Variants in KCNIP4 observed in about 807,000 individuals in gnomAD.
KCNIP4 encodes the protein potassium voltage-gated channel interacting protein 4, also known as Kv channel-interacting protein 4.
A neutral mutation model predicts 34.0 loss-of-function variants in KCNIP4; 12 were observed. The ratio of observed to expected loss-of-function variants is 0.35; its 90% CI spans 0.23 to 0.57. KCNIP4 has a LOEUF of 0.57. Ranked by LOEUF, KCNIP4 falls within the 20% of genes least tolerant of loss-of-function variation. The pLI is 0.83. For synonymous variants in KCNIP4, 124 were observed against 102.2 expected (o/e 1.21, Z -1.29); for missense variants, 238 against 311.7 (o/e 0.76, Z 1.78).
At chr4:21,641,612 A>G (rs1213390227) in intron 1 of KCNIP4, among the ~76,000 whole-genome samples, 1 of 152,148 alleles carries the variant, frequency 6.6e-6, no homozygotes, top group Non-Finnish European at 1.5e-5. Context: ...ATGGGTGAAA[A>G]TCATGAAGAT....
At chr4:21,510,078 C>CAAAAAAA (rs759477091) in intron 1 of KCNIP4, among the ~76,000 whole-genome samples, 26 of 65,222 alleles carry the variant, frequency 4.0e-4, no homozygotes, top group African/African-American at 1.3e-3. Context: ...ACTCCATCTC[C>CAAAAAAA]AAAAAAAAAA....
intron 1 of KCNIP4, among the ~76,000 whole-genome samples, chr4:21,023,991 G>A (rs1740313891): frequency 6.6e-6 from 1 of 152,170 alleles, no homozygotes; most frequent in Non-Finnish European, 1.5e-5. Flanking sequence ...CAAAGAAATT[G>A]GAACCCTCAT....
intron 1 of KCNIP4, among the ~76,000 whole-genome samples, chr4:21,335,460 C>T (rs1030882771): frequency 6.6e-6 from 1 of 152,168 alleles, no homozygotes; most frequent in Non-Finnish European, 1.5e-5. Context: ...TGAATATTGT[C>T]TATTGCATGC....
In KCNIP4 at chr4:20,983,774, C is replaced by G. The variant is rs945511443; in HGVS notation, c.62-101065G>C. On this transcript the variant is annotated intron_variant, in intron 1 of 8. Transcript: ENST00000382152. ...GCAGCATCTGTATCTACTTCTAAAC[C>G]AGACCTGCCCAACAGCACAGACTGG... 5.3e-6 allele frequency: 8 copies of G among 1,501,720 alleles called. No individual in the cohort carries two copies. In the Admixed American group the frequency reaches 5.9e-5, roughly 11 times the overall value. The allele number at this position is 1,501,720 out of a possible 1,614,324, so 93.0% of individuals were successfully genotyped here.
At chr4:21,523,917 T>C (rs1241175904) in intron 1 of KCNIP4, among the ~76,000 whole-genome samples, 4 of 152,120 alleles carry the variant, frequency 2.6e-5, no homozygotes, top group Non-Finnish European at 5.9e-5. Context: ...TGAAGTACTC[T>C]TTTAATGATA....
At chr4:21,771,019 G>A (rs1718746228) in intron 1 of KCNIP4, among the ~76,000 whole-genome samples, 1 of 152,136 alleles carries the variant, frequency 6.6e-6, no homozygotes, top group Non-Finnish European at 1.5e-5. Context: ...CTTTGCCCAT[G>A]CCTGTGTCCC....
chr4:21,458,871 T>C (rs777425196), intron 1 of KCNIP4, among the ~76,000 whole-genome samples: 1 of 152,024 alleles, frequency 6.6e-6, no homozygotes, highest in Non-Finnish European at 1.5e-5. Flanking sequence ...TACCTGTATC[T>C]AAACTCATAC....
At chr4:21,618,489 T>C (rs1235816705) in intron 1 of KCNIP4, among the ~76,000 whole-genome samples, 3 of 152,092 alleles carry the variant, frequency 2.0e-5, no homozygotes, top group Admixed American at 2.0e-4. Flanking sequence ...GAGCTACCTT[T>C]CTAGTTGGAG....
intron 1 of KCNIP4, among the ~76,000 whole-genome samples, chr4:21,712,575 T>A (rs1253964672): frequency 6.6e-6 from 1 of 152,116 alleles, no homozygotes; most frequent in Non-Finnish European, 1.5e-5. Context: ...TCTTAAGAAA[T>A]GTCACCTCTC....
intron 1 of KCNIP4, among the ~76,000 whole-genome samples, chr4:21,519,704 A>G (rs868835444): frequency 8.2e-5 from 11 of 134,022 alleles, no homozygotes; most frequent in East Asian, 2.3e-4. Flanking sequence ...ACGTGTGTGT[A>G]TGTATGTGTA....
intron 1 of KCNIP4, among the ~76,000 whole-genome samples, chr4:21,861,962 C>A (rs1725103230): frequency 6.6e-6 from 1 of 152,150 alleles, no homozygotes; most frequent in South Asian, 2.1e-4. Context: ...CACTGCCTCC[C>A]ACCCTCCTCC....
At chr4:21,598,059 A>G (rs1448686830) in intron 1 of KCNIP4, among the ~76,000 whole-genome samples, 1 of 152,130 alleles carries the variant, frequency 6.6e-6, no homozygotes, top group Non-Finnish European at 1.5e-5. Flanking sequence ...TAAAATCACT[A>G]GTCAGCATGC....
chr4:20,806,659 G>A (rs1715133183), intron 3 of KCNIP4, among the ~76,000 whole-genome samples: 1 of 151,910 alleles, frequency 6.6e-6, no homozygotes, highest in Non-Finnish European at 1.5e-5. Context: ...ACAGAACCAT[G>A]CTTAGGGCTA....
intron 1 of KCNIP4, among the ~76,000 whole-genome samples, chr4:20,995,061 C>T (rs1429496490): frequency 6.6e-6 from 1 of 152,130 alleles, no homozygotes; most frequent in Non-Finnish European, 1.5e-5. Context: ...GTAAGTTTAC[C>T]TATATTTACA....
intron 1 of KCNIP4, among the ~76,000 whole-genome samples, chr4:21,561,109 A>G (rs538510061): frequency 2.0e-5 from 3 of 152,110 alleles, no homozygotes; most frequent in East Asian, 3.9e-4. Flanking sequence ...CTGCTTTGCC[A>G]CAGCTGGAGT....
intron 1 of KCNIP4, among the ~76,000 whole-genome samples, chr4:21,168,325 G>T (rs1753784657): frequency 6.6e-6 from 1 of 152,120 alleles, no homozygotes; most frequent in African/African-American, 2.4e-5. Flanking sequence ...ACAAGTTTCA[G>T]ACTTTAGTAG....
intron 1 of KCNIP4, among the ~76,000 whole-genome samples, chr4:21,032,661 A>G (rs1254502508): frequency 1.3e-5 from 2 of 152,138 alleles, no homozygotes; most frequent in African/African-American, 4.8e-5. Context: ...ATGCGTAAAC[A>G]TGGTCAAACA....
intron 1 of KCNIP4, among the ~76,000 whole-genome samples, chr4:20,915,333 C>T (rs1205446677): frequency 1.3e-5 from 2 of 152,132 alleles, no homozygotes; most frequent in Admixed American, 6.6e-5. Flanking sequence ...GAAAGTGGCT[C>T]ATTACTTTTT....
At chr4:21,255,898 T>G (rs6827486) in intron 1 of KCNIP4, among the ~76,000 whole-genome samples, 44,344 of 151,988 alleles carry the variant, frequency 0.29, 6,631 homozygotes, top group Middle Eastern at 0.35. Flanking sequence ...TTAATTTTGA[T>G]CAAGTGCCTA....
Sources: allele counts gnomAD v4.1 joint callset (sites outside exome capture counted in the v4.1 genomes callset), GRCh38; gene constraint gnomAD v4.1.1; transcripts MANE v1.5; gene names NCBI Gene and HGNC (gene_info 2026-07-23, HGNC 2026-07-21).